The following PCDH7 variants were observed in gnomAD, a reference collection of about 807,000 sequenced individuals.
PCDH7 encodes the protein protocadherin-7.
PCDH7 carries 17 observed loss-of-function variants against 58.9 expected under a neutral mutation model. The observed-to-expected ratio is 0.29, with a 90% CI of 0.20 to 0.43. The LOEUF (loss-of-function observed/expected upper bound fraction) is 0.43, where lower values mean the gene tolerates loss of function less well. PCDH7 is among the 20% of genes least tolerant of loss of function. The pLI is 1.00. For missense variants in PCDH7, 1,274 were observed against 1,441.0 expected, an observed-to-expected ratio of 0.88 and a Z score of 1.88; for synonymous variants, 664 against 616.4, an observed-to-expected ratio of 1.08 and a Z score of -1.14.
At chr4:30,991,727 T>A (rs1049123377) in intron 3 of PCDH7, among the ~76,000 whole-genome samples, 1 of 152,148 alleles carries the variant, frequency 6.6e-6, no homozygotes, top group African/African-American at 2.4e-5. Flanking sequence ...TTCTAGATTA[T>A]TTTTCTTGGC....
intron 3 of PCDH7, among the ~76,000 whole-genome samples, chr4:31,054,856 T>C (rs973029968): frequency 1.3e-5 from 2 of 152,216 alleles, no homozygotes; most frequent in Non-Finnish European, 2.9e-5. Context: ...GAATATTTTC[T>C]TCACATAGCA....
chr4:31,073,683 T>A (rs571728324), intron 3 of PCDH7, among the ~76,000 whole-genome samples: 1 of 152,222 alleles, frequency 6.6e-6, no homozygotes, highest in Non-Finnish European at 1.5e-5. Context: ...GACTGAATAC[T>A]AATCAATGAT....
chr4:30,835,986 T>G (rs1366409274), intron 1 of PCDH7, among the ~76,000 whole-genome samples: 1 of 152,220 alleles, frequency 6.6e-6, no homozygotes, highest in Non-Finnish European at 1.5e-5. Flanking sequence ...TTTACTACCT[T>G]ACCTTAGATA....
chr4:30,939,120 G>A (rs888816267), intron 2 of PCDH7, among the ~76,000 whole-genome samples: 1 of 152,004 alleles, frequency 6.6e-6, no homozygotes, highest in African/African-American at 2.4e-5. Flanking sequence ...AAAATCCCTG[G>A]GAGCACTTAG....
intron 3 of PCDH7, among the ~76,000 whole-genome samples, chr4:30,965,687 TAA>T (rs1159120543): frequency 6.6e-6 from 1 of 151,970 alleles, no homozygotes; most frequent in African/African-American, 2.4e-5. Flanking sequence ...TTTAAAGAAA[TAA>T]AAAAGAGTAC....
intron 1 of PCDH7, among the ~76,000 whole-genome samples, chr4:30,727,836 G>T (rs952741103): frequency 6.6e-6 from 1 of 151,840 alleles, no homozygotes; most frequent in Non-Finnish European, 1.5e-5. Context: ...CCCCCAAAGA[G>T]TGATAGTATG....
intron 1 of PCDH7, among the ~76,000 whole-genome samples, chr4:30,881,921 T>C (rs1578152428): frequency 6.6e-6 from 1 of 152,152 alleles, no homozygotes; most frequent in Non-Finnish European, 1.5e-5. Context: ...ATGTGGATTA[T>C]ATATAAAGTA....
At chr4:30,913,159 A>T (rs1742003529) in intron 1 of PCDH7, among the ~76,000 whole-genome samples, 1 of 151,802 alleles carries the variant, frequency 6.6e-6, no homozygotes, top group South Asian at 2.1e-4. Flanking sequence ...TTCTGAAAGC[A>T]GAATACATTA....
At chr4:31,010,112 A>G (rs1753062200) in intron 3 of PCDH7, among the ~76,000 whole-genome samples, 1 of 151,942 alleles carries the variant, frequency 6.6e-6, no homozygotes, top group African/African-American at 2.4e-5. Context: ...TTCTTATTGT[A>G]TTGAGAAAAA....
At chr4:30,832,107 CT>C in intron 1 of PCDH7, among the ~76,000 whole-genome samples, 1 of 152,104 alleles carries the variant, frequency 6.6e-6, no homozygotes, top group East Asian at 1.9e-4. Context: ...CAGTTCACAC[CT>C]AGAAGTGAGC....
chr4:30,742,662 G>A (rs7685566), intron 1 of PCDH7, among the ~76,000 whole-genome samples: 70,297 of 151,974 alleles, frequency 0.46, 16,821 homozygotes, highest in Middle Eastern at 0.53. Flanking sequence ...TGTGAAACTT[G>A]CCTGGAGTTC....
At chr4:31,091,342 A>G (rs1027108057) in intron 3 of PCDH7, among the ~76,000 whole-genome samples, 2 of 152,000 alleles carry the variant, frequency 1.3e-5, no homozygotes, top group African/African-American at 4.8e-5. Context: ...GCTACATGAC[A>G]TATATATGTA....
At chr4:30,788,630 G>A (rs1382196854) in intron 1 of PCDH7, among the ~76,000 whole-genome samples, 1 of 152,040 alleles carries the variant, frequency 6.6e-6, no homozygotes, top group South Asian at 2.1e-4. Context: ...GGTTCATATT[G>A]CTGGCTTTTA....
intron 3 of PCDH7, among the ~76,000 whole-genome samples, chr4:31,027,972 T>C (rs1034158477): frequency 6.6e-6 from 1 of 152,188 alleles, no homozygotes; most frequent in Non-Finnish European, 1.5e-5. Flanking sequence ...AATTAGCCAA[T>C]TGAATTTTAG....
intron 3 of PCDH7, among the ~76,000 whole-genome samples, chr4:31,022,935 C>A (rs1486769120): frequency 1.3e-5 from 2 of 151,988 alleles, no homozygotes; most frequent in African/African-American, 4.8e-5. Flanking sequence ...GAAGGAAAAG[C>A]ACGGGAAAGA....
chr4:30,904,303 T>C (rs997334937), intron 1 of PCDH7, among the ~76,000 whole-genome samples: 1 of 152,194 alleles, frequency 6.6e-6, no homozygotes, highest in Non-Finnish European at 1.5e-5. Context: ...TCAATGTTTG[T>C]TATGGAGGCT....
At chr4:31,014,175 T>C (rs1409957738) in intron 3 of PCDH7, among the ~76,000 whole-genome samples, 1 of 151,958 alleles carries the variant, frequency 6.6e-6, no homozygotes, top group African/African-American at 2.4e-5. Context: ...ATTTAAATTA[T>C]ACAGCAAAAA....
At chr4:31,016,951 G>A (rs1753665622) in intron 3 of PCDH7, among the ~76,000 whole-genome samples, 1 of 151,264 alleles carries the variant, frequency 6.6e-6, no homozygotes, top group Non-Finnish European at 1.5e-5. Context: ...TGCTGGGTGT[G>A]TGTATGTGTT....
chr4:31,087,165 G>A (rs1437217791), intron 3 of PCDH7, among the ~76,000 whole-genome samples: 2 of 152,100 alleles, frequency 1.3e-5, no homozygotes, highest in African/African-American at 4.8e-5. Context: ...TAAACATACA[G>A]CAGGTAGTCA....
Sources: allele counts gnomAD v4.1 joint callset (sites outside exome capture counted in the v4.1 genomes callset), GRCh38; gene constraint gnomAD v4.1.1; transcripts MANE v1.5; gene names NCBI Gene and HGNC (gene_info 2026-07-23, HGNC 2026-07-21).